SEC13: variants seen among roughly 807,000 people sequenced by gnomAD.
The protein encoded by SEC13 is protein SEC13 homolog.
SEC13 carries 25 observed loss-of-function variants against 49.2 expected under a neutral mutation model. The observed-to-expected ratio is 0.51, with a 90% confidence interval of 0.37 to 0.71. SEC13 has a LOEUF of 0.71. Ranked by LOEUF, SEC13 falls within the 30% of genes least tolerant of loss-of-function variation. SEC13 has a pLI of 0.00. For synonymous variants in SEC13, 148 were observed against 163.9 expected, an observed-to-expected ratio of 0.90 and a Z score of 0.74; for missense variants, 383 against 417.6, an observed-to-expected ratio of 0.92 and a Z score of 0.72.
chr3:10,306,750 T>A (rs1444021600), intron 5 of SEC13, among the ~76,000 whole-genome samples: 1 of 152,220 alleles, frequency 6.6e-6, no homozygotes, highest in East Asian at 1.9e-4. Context: ...ATCTGACGAT[T>A]TTAAAAATGG....
chr3:10,320,799 G>T lies in SEC13; in HGVS notation c.3+251C>A, dbSNP rs1204005452. ...TTTGTTTTCAATTGTTGACCGAAAA[G>T]AAGGAAGGGAGACTGGCAGGAGACG... On this transcript the variant is annotated intron_variant, in intron 1 of 8. Coordinates refer to ENST00000350697, the MANE Select transcript of SEC13 (RefSeq NM_183352.3). 5 of 1,331,770 alleles carry T rather than the reference G, an allele frequency of 3.8e-6. No individual in the cohort carries two copies. In the African/African-American group the frequency reaches 7.7e-5, roughly 20 times the overall value. 82.5% of individuals were successfully genotyped at this position (1,331,770 alleles called of 1,614,324 possible).
chr3:10,312,232 G>A (rs1701318432), intron 4 of SEC13, 134 bp from the exon 5 acceptor site: 5 of 1,403,364 alleles, frequency 3.6e-6, no homozygotes, highest in Non-Finnish European at 4.7e-6. Context: ...GCTGTAACTT[G>A]GTCAACTGAG....
intron 2 of SEC13, among the ~76,000 whole-genome samples, chr3:10,316,153 C>T (rs1701590202): frequency 6.6e-6 from 1 of 152,018 alleles, no homozygotes; most frequent in South Asian, 2.1e-4. Context: ...TAGGCCTGGC[C>T]CCTACCTGCA....
intron 8 of SEC13, 25 bp from the exon 9 acceptor site, chr3:10,301,399 T>C (rs1700500209): frequency 6.2e-7 from 1 of 1,613,998 alleles, no homozygotes; most frequent in East Asian, 2.2e-5. Flanking sequence ...ACAAGCAGAT[T>C]ATCACGGGTC....
intron 5 of SEC13, among the ~76,000 whole-genome samples, chr3:10,308,470 C>T (rs547068279): frequency 1.3e-5 from 2 of 152,088 alleles, no homozygotes; most frequent in African/African-American, 4.8e-5. Context: ...TATCATTTAC[C>T]TGTTGATGGA....
chr3:10,304,356 T>G (rs1700731042), intron 7 of SEC13, among the ~76,000 whole-genome samples, 184 bp from the exon 8 acceptor site: 1 of 151,966 alleles, frequency 6.6e-6, no homozygotes, highest in Non-Finnish European at 1.5e-5. Flanking sequence ...TGGTTAAGAG[T>G]CTCCCGGATT....
Position 10,321,057 on chromosome 3 carries a change from G to A in SEC13, c.-5C>T. ...CTCAGTACCAACACTCACCATGATT[G>A]CGGCGGTGGCTGCTCCAGGTCTCGG... On this transcript the variant is annotated 5_prime_UTR_variant, in exon 1 of 9. Coordinates refer to ENST00000350697, the MANE Select transcript of SEC13 (RefSeq NM_183352.3). This position sits in a 1 kb window ranked among gnomAD's most constrained non-coding sequence, Gnocchi z 4.1. The A allele has an allele frequency of 1.2e-6, 2 of 1,613,238 alleles. No homozygotes were observed. The highest frequency in any genetic ancestry group is 2.2e-5 in the South Asian group (2 of 90,838).
At chr3:10,304,768 A>G (rs1700759983) in intron 7 of SEC13, among the ~76,000 whole-genome samples, 2 of 152,108 alleles carry the variant, frequency 1.3e-5, no homozygotes. Flanking sequence ...CTAGTCTCAC[A>G]TGGGTCAGAA....
intron 8 of SEC13, among the ~76,000 whole-genome samples, chr3:10,302,153 G>A (rs147057434): frequency 0.025 from 3,761 of 152,210 alleles, 104 homozygotes; most frequent in East Asian, 0.11. Flanking sequence ...CAGGAGAATC[G>A]CTTGAACCCA....
chr3:10,316,341 T>C (rs181552859), intron 2 of SEC13, among the ~76,000 whole-genome samples: 1 of 152,334 alleles, frequency 6.6e-6, no homozygotes, highest in African/African-American at 2.4e-5. Flanking sequence ...GGGGCAATTA[T>C]GCCCATTCAA....
intron 2 of SEC13, among the ~76,000 whole-genome samples, chr3:10,317,603 T>G (rs1461079192): frequency 1.3e-5 from 2 of 152,186 alleles, no homozygotes; most frequent in Non-Finnish European, 2.9e-5. Flanking sequence ...GGGCTCTGCC[T>G]GGGGCTTTCA....
At chr3:10,305,822 A>C in intron 5 of SEC13, 130 bp from the exon 6 acceptor site, 1 of 918,516 alleles carries the variant, frequency 1.1e-6, no homozygotes, top group Non-Finnish European at 1.7e-6. Context: ...TGAAGCACTC[A>C]TCATGGGGTC....
chr3:10,312,120 A>C, intron 4 of SEC13, 22 bp from the exon 5 acceptor site: 1 of 1,575,278 alleles, frequency 6.3e-7, no homozygotes. Context: ...GGGAGAGTGC[A>C]GTGAGCAAAG....
At chr3:10,314,778 G>A (rs558281095) in intron 3 of SEC13, among the ~76,000 whole-genome samples, 2 of 152,334 alleles carry the variant, frequency 1.3e-5, no homozygotes, top group Admixed American at 6.5e-5. Flanking sequence ...CACTGAACAC[G>A]TGCCACGGGC....
Position 10,320,819 on chromosome 3 carries a change from G to C in SEC13, c.3+231C>G, listed in dbSNP as rs931044705. 234 of 1,327,580 alleles carry C rather than the reference G, an allele frequency of 1.8e-4. 1 individual carries two copies. Among genetic ancestry groups the C allele is most frequent in the Non-Finnish European group, 8.6e-6 (9 of 1,042,902 alleles). 82.2% of individuals were successfully genotyped at this position (1,327,580 alleles called of 1,614,324 possible). On this transcript the variant is annotated intron_variant, in intron 1 of 8. Coordinates refer to ENST00000350697, the MANE Select transcript of SEC13 (RefSeq NM_183352.3). ...GAAAAGAAGGAAGGGAGACTGGCAGGAGACGCAGGAGCGGCGCGCCCCGCA... is the reference window on the plus strand; with the variant it reads ...GAAAAGAAGGAAGGGAGACTGGCAGCAGACGCAGGAGCGGCGCGCCCCGCA...
chr3:10,305,350 C>A, intron 6 of SEC13, 194 bp from the exon 7 acceptor site: 2 of 1,081,128 alleles, frequency 1.8e-6, no homozygotes, highest in Non-Finnish European at 2.6e-6. Flanking sequence ...CTTCCACAGC[C>A]AAAGAGTCAG....
chr3:10,320,605 T>C (rs1368793603), intron 1 of SEC13: 2 of 994,960 alleles, frequency 2.0e-6, no homozygotes, highest in Non-Finnish European at 2.4e-6. Flanking sequence ...ATCTCGGCTC[T>C]ACTACCACTT....
At chr3:10,311,142 A>AGAT (rs1184836956) in intron 5 of SEC13, among the ~76,000 whole-genome samples, 1 of 152,030 alleles carries the variant, frequency 6.6e-6, no homozygotes, top group African/African-American at 2.4e-5. Flanking sequence ...CACACAATAA[A>AGAT]GATGTGCATG....
chr3:10,312,142 C>G (rs374101022), intron 4 of SEC13, 44 bp from the exon 5 acceptor site: 1 of 1,544,364 alleles, frequency 6.5e-7, no homozygotes, highest in African/African-American at 1.4e-5. Flanking sequence ...AGGGAGACCG[C>G]GGCCCCAGGT....
Sources: allele counts gnomAD v4.1 joint callset (sites outside exome capture counted in the v4.1 genomes callset), GRCh38; gene constraint gnomAD v4.1.1; non-coding constraint Gnocchi (gnomAD v3.1); transcripts MANE v1.5; gene names NCBI Gene and HGNC (gene_info 2026-07-23, HGNC 2026-07-21).